The following CDH4 variants were observed in gnomAD, a reference collection of about 807,000 sequenced individuals.
CDH4 encodes the protein cadherin 4, also known as cadherin-4.
CDH4 carries 33 observed loss-of-function variants against 86.0 expected under a neutral mutation model. That is an observed-to-expected ratio of 0.38 (90% CI 0.29 to 0.51). CDH4 has a LOEUF of 0.51. CDH4 is among the 20% of genes least tolerant of loss of function. CDH4 has a pLI of 0.86. For missense variants in CDH4, 1,114 were observed against 1,307.4 expected (o/e 0.85, Z 2.28); for synonymous variants, 555 against 549.4 (o/e 1.01, Z -0.14).
intron 2 of CDH4, among the ~76,000 whole-genome samples, chr20:61,407,243 C>T (rs1376261428): frequency 1.3e-5 from 2 of 152,198 alleles, no homozygotes; most frequent in East Asian, 1.9e-4. Flanking sequence ...CCATTGGTTC[C>T]GTATGTGGCT....
intron 2 of CDH4, among the ~76,000 whole-genome samples, chr20:61,276,126 A>C (rs1451988618): frequency 6.6e-6 from 1 of 152,194 alleles, no homozygotes; most frequent in Non-Finnish European, 1.5e-5. Flanking sequence ...TACAATGTTT[A>C]AGTGATAACC....
intron 4 of CDH4, among the ~76,000 whole-genome samples, chr20:61,836,429 G>A (rs1000067166): frequency 3.3e-5 from 5 of 152,114 alleles, no homozygotes; most frequent in African/African-American, 1.2e-4. Flanking sequence ...TGACTTTGAG[G>A]GGCTTTTTGT....
At chr20:61,319,435 C>G (rs895557717) in intron 2 of CDH4, among the ~76,000 whole-genome samples, 20 of 152,160 alleles carry the variant, frequency 1.3e-4, no homozygotes, top group African/African-American at 4.8e-4. Context: ...ATCCGTCCAC[C>G]TTGTGGGCTC....
At chr20:61,291,469 A>G (rs1361031267) in intron 2 of CDH4, among the ~76,000 whole-genome samples, 2 of 152,132 alleles carry the variant, frequency 1.3e-5, no homozygotes, top group Admixed American at 1.3e-4. Context: ...GACCCCGGAC[A>G]AGCTTCTCAC....
chr20:61,761,535 G>T (rs747215359), intron 3 of CDH4, among the ~76,000 whole-genome samples: 1 of 152,098 alleles, frequency 6.6e-6, no homozygotes, highest in East Asian at 1.9e-4. Context: ...ACATTAGAAC[G>T]TTCAGCAAAA....
chr20:61,531,853 G>A (rs1000029691), intron 2 of CDH4, among the ~76,000 whole-genome samples: 3 of 152,242 alleles, frequency 2.0e-5, no homozygotes, highest in African/African-American at 7.2e-5. Context: ...AACACCGGTT[G>A]GGGAAGCACA....
chr20:61,898,149 C>T (rs1009657757), intron 8 of CDH4, among the ~76,000 whole-genome samples: 1 of 152,214 alleles, frequency 6.6e-6, no homozygotes, highest in African/African-American at 2.4e-5. Flanking sequence ...CTGTCCATGC[C>T]TCACCGTGGG....
At chr20:61,866,793 GT>G (rs1983568957) in intron 6 of CDH4, among the ~76,000 whole-genome samples, 1 of 152,192 alleles carries the variant, frequency 6.6e-6, no homozygotes, top group Non-Finnish European at 1.5e-5. Flanking sequence ...TCTCAAAAGT[GT>G]GTCATTTGGC....
At chr20:61,714,834 A>T (rs2087935646) in intron 2 of CDH4, among the ~76,000 whole-genome samples, 2 of 152,198 alleles carry the variant, frequency 1.3e-5, no homozygotes, top group South Asian at 4.2e-4. Flanking sequence ...GGTTGGTAAC[A>T]TGTCTTTGCA....
chr20:61,346,275 G>A (rs1425825868), intron 2 of CDH4, among the ~76,000 whole-genome samples: 4 of 147,770 alleles, frequency 2.7e-5, no homozygotes, highest in Non-Finnish European at 6.0e-5. Flanking sequence ...ACCACAAGAC[G>A]GCCCCAGGGG....
At chr20:61,631,469 C>T (rs1410892198) in intron 2 of CDH4, among the ~76,000 whole-genome samples, 1 of 152,076 alleles carries the variant, frequency 6.6e-6, no homozygotes, top group Non-Finnish European at 1.5e-5. Flanking sequence ...GCGAAAACCC[C>T]TCTCTACTAA....
chr20:61,440,829 G>A (rs932692816), intron 2 of CDH4, among the ~76,000 whole-genome samples: 2 of 152,200 alleles, frequency 1.3e-5, no homozygotes, highest in South Asian at 2.1e-4. Context: ...CACAGCATGG[G>A]GAGAAGTTCT....
chr20:61,286,354 T>A (rs1016442238), intron 2 of CDH4, among the ~76,000 whole-genome samples: 1 of 152,230 alleles, frequency 6.6e-6, no homozygotes. Context: ...TCATATGGAC[T>A]TGAGGACCCA....
chr20:61,514,133 G>A (rs752557903), intron 2 of CDH4, among the ~76,000 whole-genome samples: 5 of 152,216 alleles, frequency 3.3e-5, no homozygotes, highest in Non-Finnish European at 5.9e-5. Context: ...AGGGCTGACA[G>A]GTCATAGGTG....
intron 2 of CDH4, among the ~76,000 whole-genome samples, chr20:61,693,641 C>T (rs2087684419): frequency 6.6e-6 from 1 of 152,164 alleles, no homozygotes; most frequent in Non-Finnish European, 1.5e-5. Context: ...TTATTTATTT[C>T]CTTGGAATTT....
intron 2 of CDH4, among the ~76,000 whole-genome samples, chr20:61,368,480 A>G (rs2084822757): frequency 6.6e-6 from 1 of 152,192 alleles, no homozygotes; most frequent in Non-Finnish European, 1.5e-5. Context: ...TTGATCTTGG[A>G]CTTCCCAGCC....
intron 2 of CDH4, among the ~76,000 whole-genome samples, chr20:61,489,572 T>C (rs2085614615): frequency 6.6e-6 from 1 of 152,254 alleles, no homozygotes; most frequent in Admixed American, 6.5e-5. Context: ...CCCAGGGGGC[T>C]GAGCCCCGAT....
chr20:61,591,889 G>C (rs1430165515), intron 2 of CDH4, among the ~76,000 whole-genome samples: 1 of 115,624 alleles, frequency 8.6e-6, no homozygotes. Flanking sequence ...GGAAGCCATT[G>C]AGCTTGCCAT....
intron 4 of CDH4, among the ~76,000 whole-genome samples, chr20:61,778,262 G>T (rs1387803745): frequency 6.6e-6 from 1 of 152,204 alleles, no homozygotes; most frequent in Non-Finnish European, 1.5e-5. Flanking sequence ...GCAGCCTGAT[G>T]CGGGGCGGCA....
Sources: allele counts gnomAD v4.1 joint callset (sites outside exome capture counted in the v4.1 genomes callset), GRCh38; gene constraint gnomAD v4.1.1; transcripts MANE v1.5; gene names NCBI Gene and HGNC (gene_info 2026-07-23, HGNC 2026-07-21).